Variants in LAMB2 observed in about 807,000 individuals in gnomAD.
The protein encoded by LAMB2 is laminin subunit beta 2, also known as laminin subunit beta-2.
Under a neutral mutation model 202.7 loss-of-function variants are expected in LAMB2, and 119 were observed. The observed-to-expected ratio is 0.59, with a 90% CI of 0.51 to 0.68. The LOEUF (loss-of-function observed/expected upper bound fraction) is 0.68. Ranked by LOEUF, LAMB2 falls within the 30% of genes least tolerant of loss-of-function variation. LAMB2 has a pLI of 0.00. For synonymous variants in LAMB2, 818 were observed against 902.2 expected, an observed-to-expected ratio of 0.91 and a Z score of 1.67; for missense variants, 2,124 against 2,410.6, an observed-to-expected ratio of 0.88 and a Z score of 2.49.
rs746299540 is a variant in LAMB2, at chr3:49,121,803, G to A, written c.4981C>T (p.Arg1661Trp). The A allele has an allele frequency of 8.1e-6, 13 of 1,613,036 alleles. No individual in the cohort carries two copies. Among genetic ancestry groups the A allele is most frequent in the Middle Eastern group, 1.7e-4 (1 of 6,060 alleles). ...GCCTCCAGGAGAGCATCCAACTGCC[G>A]AGCCCTTTCACCTGCAGAGCTCAGT... ...RALSSAGERA[R>W]QLDALLEALK... The change falls in exon 30 of 32, where the codon CGG becomes TGG. Residue 1661 changes from arginine to tryptophan, a missense_variant. Transcript: ENST00000305544.
At chr3:49,128,243 T>C (rs906719992) in intron 15 of LAMB2, among the ~76,000 whole-genome samples, 1 of 152,244 alleles carries the variant, frequency 6.6e-6, no homozygotes, top group African/African-American at 2.4e-5. Context: ...CCTTGGCCTC[T>C]GGGCCTTAGA....
At position 49,129,062 on chromosome 3, in the gene LAMB2, G is replaced by T; in HGVS notation, c.1689C>A (p.Phe563Leu). ...CAGCCTCCCAAATTAGGTGGTCCAGGAAGGGCCGGAAGTAGCCAGGTTGCA... is the reference window on the plus strand; with the variant it reads ...CAGCCTCCCAAATTAGGTGGTCCAGTAAGGGCCGGAAGTAGCCAGGTTGCA... The part of the protein sequence containing the change: ...EQVQPGYFRP[F>L]LDHLIWEAED... Residue 563 changes from phenylalanine to leucine, a missense_variant, in exon 13 of 32, where the codon TTC (phenylalanine) becomes TTA (leucine). Around this residue, in one of 3 missense-constraint regions of LAMB2, gnomAD observed 1,702 missense variants for 1,896.3 expected, o/e 0.90. Coordinates refer to ENST00000305544, the MANE Select transcript of LAMB2 (RefSeq NM_002292.4). This position sits in a 1 kb window ranked among gnomAD's most constrained non-coding sequence, Gnocchi z 6.1. 1 of 1,613,122 alleles carries T rather than the reference G, an allele frequency of 6.2e-7. No homozygotes were observed. Among genetic ancestry groups the T allele is most frequent in the Non-Finnish European group, 8.5e-7 (1 of 1,180,042 alleles).
At chr3:49,122,460 A>C in intron 27 of LAMB2, 90 bp from the exon 28 acceptor site, 3 of 1,240,028 alleles carry the variant, frequency 2.4e-6, no homozygotes. Flanking sequence ...GGACATGTAC[A>C]TGGGATAGGG....
rs139511264 is a variant in LAMB2 at position 49,121,551 on chromosome 3, C to T, written c.5142G>A (p.Lys1714=). Residue 1714 remains lysine, a synonymous_variant, in exon 31 of 32, where the codon AAG becomes AAA. Transcript: ENST00000305544. ...GPLGDQYQTV[K]ALAERKAQGV... ...CTTGGGCCTTGCGCTCAGCTAGGGC[C>T]TTCACCGTCTGGTACTGATCACCCA... is the stretch of plus-strand genomic sequence containing the variant. 507 of 1,614,010 alleles carry T rather than the reference C, an allele frequency of 3.1e-4. 1 individual carries two copies. The highest frequency in any genetic ancestry group is 4.0e-4 in the Non-Finnish European group (477 of 1,180,042).
At position 49,128,674 on chromosome 3, in the gene LAMB2, C is replaced by A. The variant is rs747329371; in HGVS notation, c.1877G>T (p.Arg626Leu). ...PKAMDYDLLL[R>L]LEPQVPEQWA... ...ACAGGGTCTAACCTGGGGCTCTAAG[C>A]GCAGCAGCAGGTCATAGTCCATAGC... Residue 626 changes from arginine (R) to leucine (L), a missense_variant, in exon 14 of 32, where the codon CGC becomes CTC. This residue lies in a region of LAMB2 where 1,702 missense variants were observed against 1,896.3 expected (regional missense o/e 0.90). Coordinates refer to ENST00000305544, the MANE Select transcript of LAMB2 (RefSeq NM_002292.4). 1 of 1,614,170 alleles carries A rather than the reference C, an allele frequency of 6.2e-7. No homozygotes were observed. The highest frequency in any genetic ancestry group is 8.5e-7 in the Non-Finnish European group (1 of 1,180,040).
chr3:49,128,753 C>T lies in LAMB2; in HGVS notation c.1798G>A (p.Val600Met), dbSNP rs775598935. 1.1e-5 allele frequency: 18 copies of T among 1,614,034 alleles called. No individual in the cohort carries two copies. Among genetic ancestry groups the T allele is most frequent in the African/African-American group, 2.7e-5 (2 of 74,942 alleles). Residue 600 changes from valine to methionine, a missense_variant, in exon 14 of 32, where the codon GTG (valine) becomes ATG (methionine). Transcript: ENST00000305544. ...AGGGTCTGACCTTCCTGTAGCCGCA[C>T]GAAGCCTGAGCCAGTCCAGGATGGA... ...ETPSWTGSGF[V>M]RLQEGQTLEF...
intron 16 of LAMB2, 76 bp downstream of exon 16, chr3:49,126,289 G>A (rs2045414054): frequency 3.7e-6 from 6 of 1,610,084 alleles, no homozygotes; most frequent in Non-Finnish European, 5.1e-6. Flanking sequence ...TTCTGCCACA[G>A]ACCCCTGCTA....
At position 49,124,738 on chromosome 3, in the gene LAMB2, A is replaced by T; in HGVS notation, c.3072T>A (p.Pro1024=). The T allele has an allele frequency of 6.2e-7, 1 of 1,614,204 alleles. No individual in the cohort carries two copies. Among genetic ancestry groups the T allele is most frequent in the South Asian group, 1.1e-5 (1 of 91,086 alleles). Residue 1024 remains proline (P), a synonymous_variant, in exon 21 of 32, where the codon CCT becomes CCA. Transcript: ENST00000305544. ...GTCGGGCAGCCTGCCCATGGAAGCC[A>T]GGCTTGCAGTGGGCACAGTGTGGAC... ...TEGPHCAHCK[P]GFHGQAARQS...
At position 49,123,554 on chromosome 3, in the gene LAMB2, T is replaced by C. The variant is rs148246465; in HGVS notation, c.3875A>G (p.Asn1292Ser). Residue 1292 changes from asparagine to serine, a missense_variant, in exon 25 of 32, where the codon AAT becomes AGT. By Grantham distance (46) the Asn-to-Ser change is conservative. Around this residue, in one of 3 missense-constraint regions of LAMB2, gnomAD observed 1,702 missense variants for 1,896.3 expected, o/e 0.90. Transcript: ENST00000305544. ...CAGACCACTTAGTGCATGGTTGGCA[T>C]TGAAGTTCTCATCTTGCACATCTGT... The part of the protein sequence containing the change: ...DLTDVQDENF[N>S]ANHALSGLER... The C allele has an allele frequency of 6.2e-6, 10 of 1,614,082 alleles. No homozygotes were observed. The Admixed American group carries it at 6.7e-5, about 11-fold the overall frequency.
chr3:49,124,483 G>A lies in LAMB2; in HGVS notation c.3239C>T (p.Ala1080Val), dbSNP rs1422065579. The change falls in exon 22 of 32, where the codon GCC (alanine) becomes GTC (valine). Residue 1080 changes from alanine to valine, a missense_variant. This residue lies in a region of LAMB2 where 1,702 missense variants were observed against 1,896.3 expected (regional missense o/e 0.90). Transcript: ENST00000305544. ...ACTGGTGAGGTTCCAGAAGTTGGGG[G>A]CACAGCGGTCACAGCTAGGGCCCTG... Reference protein sequence around the residue: ...NVQGPSCDRCAPNFWNLTSGH... With the variant: ...NVQGPSCDRCVPNFWNLTSGH... The A allele has an allele frequency of 1.2e-6, 2 of 1,613,654 alleles. No homozygotes were observed. The highest frequency in any genetic ancestry group is 2.7e-5 in the African/African-American group (2 of 74,952).
rs754468255 is a variant in LAMB2, at chr3:49,125,828, G to A, written c.2407C>T (p.Leu803=). 1.2e-6 allele frequency: 2 copies of A among 1,614,156 alleles called. No homozygotes were observed. The highest frequency in any genetic ancestry group is 1.1e-5 in the South Asian group (1 of 91,086). The change falls in exon 18 of 32, where the codon CTG becomes TTG. Residue 803 remains leucine (L), a synonymous_variant. Coordinates refer to ENST00000305544, the MANE Select transcript of LAMB2 (RefSeq NM_002292.4). ...CGCCCAACCACTCCAGGCTTGCACA[G>A]GCACTGACCACCATGAGGGTTGCAC... The part of the protein sequence containing the change: ...SECNPHGGQC[L]CKPGVVGRRC...
chr3:49,124,677 A>G (rs1215238385), intron 21 of LAMB2, 24 bp downstream of exon 21: 2 of 1,613,932 alleles, frequency 1.2e-6, no homozygotes, highest in East Asian at 2.2e-5. Context: ...CAATTCAGCC[A>G]TGCCCTCCCA....
At chr3:49,122,459 C>T in intron 27 of LAMB2, 89 bp from the exon 28 acceptor site, 1 of 1,248,876 alleles carries the variant, frequency 8.0e-7, no homozygotes, top group Non-Finnish European at 1.2e-6. Context: ...AGGACATGTA[C>T]ATGGGATAGG....
chr3:49,121,459 G>T lies in LAMB2; in HGVS notation c.5234C>A (p.Ala1745Asp). Residue 1745 changes from alanine to aspartate, a missense_variant, in exon 31 of 32, where the codon GCT (alanine) becomes GAT (aspartate). Physicochemically the swap from Ala to Asp is moderately radical, Grantham distance 126. Transcript: ENST00000305544. ...CTGTAGCCGCTGCAGCTTGTCCTGAGCGGCTTGCAACAGGTCCCGAGCCTC... is the reference window on the plus strand; with the variant it reads ...CTGTAGCCGCTGCAGCTTGTCCTGATCGGCTTGCAACAGGTCCCGAGCCTC... ...RDEARDLLQA[A>D]QDKLQRLQEL... The T allele has an allele frequency of 6.2e-7, 1 of 1,614,066 alleles. No homozygotes were observed. The highest frequency in any genetic ancestry group is 1.1e-5 in the South Asian group (1 of 91,082).
chr3:49,132,921 T>C lies in LAMB2; in HGVS notation c.-54A>G, dbSNP rs1575537952. ...GGTGAACGGTCTCGGGCCCGAGCCC[T>C]CCTCCTTGCTTTGGGGTTCCGTGTC... On this transcript the variant is annotated 5_prime_UTR_variant, in exon 1 of 32. Coordinates refer to ENST00000305544, the MANE Select transcript of LAMB2 (RefSeq NM_002292.4). The surrounding 1 kb of genome is among the most constrained non-coding windows in gnomAD (Gnocchi z 4.6). 6.5e-7 allele frequency: 1 copy of C among 1,530,870 alleles called. No individual in the cohort carries two copies. The highest frequency in any genetic ancestry group is 2.2e-5 in the East Asian group (1 of 44,454). The allele number at this position is 1,530,870 out of a possible 1,614,324, so 94.8% of individuals were successfully genotyped here.
chr3:49,125,020 C>T lies in LAMB2; in HGVS notation c.2870G>A (p.Arg957Gln), dbSNP rs764846938. ...EYSQQIVCHCRAGYTGLRCEA... is the reference protein window; with the variant it reads ...EYSQQIVCHCQAGYTGLRCEA... ...CATCCACTCACCCGTATAGCCTGCC[C>T]GGCAGTGGCACACAATCTGCTGGGA... The change falls in exon 20 of 32, where the codon CGG becomes CAG. Residue 957 changes from arginine to glutamine, a missense_variant. Physicochemically the swap from Arg to Gln is conservative, Grantham distance 43. This residue lies in a region of LAMB2 where 1,702 missense variants were observed against 1,896.3 expected (regional missense o/e 0.90). Coordinates refer to ENST00000305544, the MANE Select transcript of LAMB2 (RefSeq NM_002292.4). 28 of 1,613,818 alleles carry T rather than the reference C, an allele frequency of 1.7e-5. No homozygotes were observed. The East Asian group carries it at 2.0e-4, about 12-fold the overall frequency.
intron 15 of LAMB2, 69 bp downstream of exon 15, chr3:49,128,389 C>A (rs1345317707): frequency 6.4e-7 from 1 of 1,574,212 alleles, no homozygotes. Flanking sequence ...CTTCCAGGTG[C>A]CCTGCAGGGA....
Position 49,125,468 on chromosome 3 carries a change from G to A in LAMB2, c.2505C>T (p.His835=), listed in dbSNP as rs752783113. ...PTGCQACQCS[H]EGALSSLCEK... is the part of the protein sequence containing the mutation. Reference sequence around the variant, plus strand: ...CACAGAGACTGCTGAGTGCCCCCTCGTGGCTGCACTGGCAGGCTAGGAGCA... The same window carrying A: ...CACAGAGACTGCTGAGTGCCCCCTCATGGCTGCACTGGCAGGCTAGGAGCA... The change falls in exon 19 of 32, where the codon CAC becomes CAT. Residue 835 remains histidine (H), a synonymous_variant. Coordinates refer to ENST00000305544, the MANE Select transcript of LAMB2 (RefSeq NM_002292.4). 3.9e-5 allele frequency: 63 copies of A among 1,603,486 alleles called. No individual in the cohort carries two copies. In the Admixed American group the frequency reaches 8.1e-4, roughly 21 times the overall value.
In LAMB2 at chr3:49,122,684, G is replaced by A; in HGVS notation, c.4573+20C>T. ...GCCAAAGGGGACAACCACATGGCCT[G>A]GGACACGTGGGAGGCTCACGGTTGA... is the stretch of plus-strand genomic sequence containing the variant. On this transcript the variant is annotated intron_variant, in intron 27 of 31. Coordinates refer to ENST00000305544, the MANE Select transcript of LAMB2 (RefSeq NM_002292.4). The A allele has an allele frequency of 6.3e-7, 1 of 1,596,566 alleles. No homozygotes were observed. The highest frequency in any genetic ancestry group is 8.6e-7 in the Non-Finnish European group (1 of 1,164,032).
Sources: gnomAD v4.1 joint callset for allele counts (sites outside exome capture counted in the v4.1 genomes callset) on GRCh38, gnomAD v4.1.1 for gene constraint, gnomAD v4.1.1 regional missense constraint, Gnocchi (gnomAD v3.1) non-coding constraint, MANE v1.5 for transcripts, NCBI Gene and HGNC (gene_info 2026-07-23, HGNC 2026-07-21) for gene names.